MGAT4C: variants seen among roughly 807,000 people sequenced by gnomAD.
MGAT4C encodes the protein alpha-1,3-mannosyl-glycoprotein 4-beta-N-acetylglucosaminyltransferase C.
Under a neutral mutation model 40.1 loss-of-function variants are expected in MGAT4C, and 19 were observed. The ratio of observed to expected loss-of-function variants is 0.47; its 90% CI spans 0.33 to 0.70. The LOEUF (loss-of-function observed/expected upper bound fraction) is 0.70, where lower values mean the gene tolerates loss of function less well. Among genes scored for constraint, MGAT4C ranks in the 30% least tolerant of loss-of-function variants. The pLI, the probability that MGAT4C is intolerant of heterozygous loss-of-function variation, is 0.02. For synonymous variants in MGAT4C, 181 were observed against 187.1 expected, an observed-to-expected ratio of 0.97 and a Z score of 0.27; for missense variants, 491 against 563.2, an observed-to-expected ratio of 0.87 and a Z score of 1.30.
At chr12:86,158,325 T>C (rs1388493598) in intron 1 of MGAT4C, among the ~76,000 whole-genome samples, 1 of 152,156 alleles carries the variant, frequency 6.6e-6, no homozygotes, top group Non-Finnish European at 1.5e-5. Flanking sequence ...ATTTTGACCA[T>C]TTTTTACCTT....
At chr12:86,651,095 T>G (rs1963683291) in intron 2 of MGAT4C, among the ~76,000 whole-genome samples, 1 of 151,876 alleles carries the variant, frequency 6.6e-6, no homozygotes, top group Admixed American at 6.6e-5. Context: ...TAAAGTGTAG[T>G]TGGTGGCATT....
chr12:86,078,535 T>C (rs563828787), intron 1 of MGAT4C, among the ~76,000 whole-genome samples: 1 of 152,340 alleles, frequency 6.6e-6, no homozygotes, highest in African/African-American at 2.4e-5. Context: ...CTTTCCATGA[T>C]GGAAGAGGTC....
Position 86,275,853 on chromosome 12 carries a change from G to A in MGAT4C, c.-57+58212C>T, listed in dbSNP as rs373910241. Among the ~76,000 whole-genome samples the A allele has an allele frequency of 5.5e-5, 8 of 145,488 alleles. No individual in the cohort carries two copies. The East Asian group carries it at 1.6e-3, about 30-fold the overall frequency. On this transcript the variant is annotated intron_variant, in intron 4 of 7. Coordinates refer to the MGAT4C transcript ENST00000548651. ...GCGGTGGCTCACGCCTGTAATCCCA[G>A]CACTTTGGGAGGCCGAGGCGGCGGA... is the stretch of plus-strand genomic sequence containing the variant.
intron 1 of MGAT4C, among the ~76,000 whole-genome samples, chr12:86,815,639 T>C (rs1952587434): frequency 1.3e-5 from 2 of 151,054 alleles, no homozygotes; most frequent in South Asian, 4.2e-4. Flanking sequence ...TTATATAATA[T>C]TATATAATTT....
At chr12:86,588,151 A>G (rs1340298202) in intron 2 of MGAT4C, among the ~76,000 whole-genome samples, 1 of 151,740 alleles carries the variant, frequency 6.6e-6, no homozygotes, top group Admixed American at 6.6e-5. Flanking sequence ...GAGAGTTTTT[A>G]GCATGAAGCA....
At chr12:86,357,909 G>T (rs1276593788) in intron 3 of MGAT4C, among the ~76,000 whole-genome samples, 2 of 152,092 alleles carry the variant, frequency 1.3e-5, no homozygotes, top group East Asian at 3.9e-4. Flanking sequence ...TATTCTTCAG[G>T]ATATTATCCA....
intron 1 of MGAT4C, among the ~76,000 whole-genome samples, chr12:86,186,254 T>C (rs576946553): frequency 2.0e-5 from 3 of 152,086 alleles, no homozygotes; most frequent in Admixed American, 6.6e-5. Flanking sequence ...AAAGCACAAA[T>C]GCAGGTATTA....
chr12:86,661,683 T>C (rs1445205984), intron 2 of MGAT4C, among the ~76,000 whole-genome samples: 1 of 152,108 alleles, frequency 6.6e-6, no homozygotes. Context: ...ATGATGCTCA[T>C]GTCTGTAATC....
At chr12:86,357,382 G>A (rs954153428) in intron 3 of MGAT4C, among the ~76,000 whole-genome samples, 1 of 152,180 alleles carries the variant, frequency 6.6e-6, no homozygotes, top group African/African-American at 2.4e-5. Flanking sequence ...AACTAGAGCA[G>A]AAAAGTGGAA....
At chr12:86,634,773 C>A (rs1444932084) in intron 2 of MGAT4C, among the ~76,000 whole-genome samples, 1 of 152,162 alleles carries the variant, frequency 6.6e-6, no homozygotes, top group Non-Finnish European at 1.5e-5. Context: ...TTATTCCTGT[C>A]TGCAAAATGG....
At chr12:86,386,230 T>C in intron 3 of MGAT4C, among the ~76,000 whole-genome samples, 1 of 152,140 alleles carries the variant, frequency 6.6e-6, no homozygotes, top group Admixed American at 6.5e-5. Flanking sequence ...TAATTATTTT[T>C]GAGATTCAAC....
intron 1 of MGAT4C, among the ~76,000 whole-genome samples, chr12:86,102,798 C>T (rs1358125978): frequency 6.6e-6 from 1 of 152,060 alleles, no homozygotes; most frequent in Non-Finnish European, 1.5e-5. Context: ...AATTCTCATA[C>T]ATCTAATGTT....
At chr12:86,752,409 C>A (rs374009556) in intron 1 of MGAT4C, among the ~76,000 whole-genome samples, 99 of 152,090 alleles carry the variant, frequency 6.5e-4, no homozygotes, top group African/African-American at 2.3e-3. Context: ...TAACACTAAT[C>A]GTCTAGTGTT....
intron 1 of MGAT4C, among the ~76,000 whole-genome samples, chr12:86,074,123 C>T (rs1038692242): frequency 7.2e-5 from 11 of 152,012 alleles, no homozygotes; most frequent in African/African-American, 1.5e-4. Flanking sequence ...CAGGGGTTTC[C>T]GCTTTCACAT....
intron 2 of MGAT4C, among the ~76,000 whole-genome samples, chr12:86,022,722 G>A (rs1889875272): frequency 6.6e-6 from 1 of 152,046 alleles, no homozygotes; most frequent in South Asian, 2.1e-4. Flanking sequence ...AATAAAATAA[G>A]TCCCTGTTCT....
intron 4 of MGAT4C, among the ~76,000 whole-genome samples, chr12:86,296,218 C>G (rs1046297578): frequency 6.7e-6 from 1 of 149,164 alleles, no homozygotes; most frequent in East Asian, 2.0e-4. Context: ...TACAGAGTGT[C>G]GATTGGTGCA....
rs146800133 is a variant in MGAT4C at position 86,228,481 on chromosome 12, C to T, written c.-57+27758G>A. 3.2e-3 allele frequency among the ~76,000 whole-genome samples: 490 copies of T among 151,820 alleles called. 2 individuals carry two copies. The highest frequency in any genetic ancestry group is 0.011 in the African/African-American group (455 of 41,482). ...ATATATTTGGTTTGAAATAAGAAAA[C>T]ACCCTTCAAACACAAAGAGAGTTTG... On this transcript the variant is annotated intron_variant, in intron 1 of 4. Transcript: ENST00000611864.
chr12:86,188,411 C>A (rs911370011), intron 1 of MGAT4C, among the ~76,000 whole-genome samples: 2 of 151,530 alleles, frequency 1.3e-5, no homozygotes, highest in East Asian at 3.9e-4. Context: ...GACATACATG[C>A]AATATGAGAG....
chr12:86,813,769 G>A (rs946197302), intron 1 of MGAT4C, among the ~76,000 whole-genome samples: 2 of 151,868 alleles, frequency 1.3e-5, no homozygotes, highest in Admixed American at 1.3e-4. Context: ...GGTTAATTTG[G>A]GCAGATTTTC....
Sources: allele counts gnomAD v4.1 joint callset (sites outside exome capture counted in the v4.1 genomes callset), GRCh38; gene constraint gnomAD v4.1.1; transcripts MANE v1.5; gene names NCBI Gene and HGNC (gene_info 2026-07-23, HGNC 2026-07-21).